Variants in RECQL4 observed in about 807,000 individuals in gnomAD.
The protein encoded by RECQL4 is RecQ like helicase 4.
In RECQL4, 158 loss-of-function variants were observed where a neutral mutation model predicts 128.6. The ratio of observed to expected loss-of-function variants is 1.23; its 90% confidence interval spans 1.08 to 1.40. The LOEUF (loss-of-function observed/expected upper bound fraction) is 1.40. RECQL4 is among the 40% of genes most tolerant of loss of function. The probability of loss-of-function intolerance (pLI) is 0.00; values close to 1 mark genes in which losing one functional copy is unlikely to be tolerated. For missense variants in RECQL4, 2,293 were observed against 1,649.8 expected (o/e 1.39, Z -6.75); for synonymous variants, 996 against 678.9 (o/e 1.47, Z -7.26).
chr8:144,511,463 C>T lies in RECQL4; in HGVS notation c.3595G>A (p.Ala1199Thr), dbSNP rs1586787093. The change falls in exon 21 of 21, where the codon GCC becomes ACC. Residue 1199 changes from alanine to threonine, a missense_variant. Transcript: ENST00000617875. ...HLSFHALVGL[A>T]TEELLQVAR is the part of the protein sequence containing the mutation. ...GCCACCTGCAGGAGCTCTTCCGTGG[C>T]CAGGCCCACCAGGGCATGGAAGCTC... 3 of 1,612,560 alleles carry T rather than the reference C, an allele frequency of 1.9e-6. No homozygotes were observed. Among genetic ancestry groups the T allele is most frequent in the Middle Eastern group, 1.7e-4 (1 of 6,060 alleles).
In RECQL4 at chr8:144,511,426, T is replaced by C. The variant is rs530184653; in HGVS notation, c.*5A>G. On this transcript the variant is annotated 3_prime_UTR_variant, in exon 21 of 21. Coordinates refer to ENST00000617875, the MANE Select transcript of RECQL4 (RefSeq NM_004260.4). ...CTCTACCCGACATCCCCCAATGCAGTGCAGTCAGCGGGCCACCTGCAGGAG... is the reference window on the plus strand; with the variant it reads ...CTCTACCCGACATCCCCCAATGCAGCGCAGTCAGCGGGCCACCTGCAGGAG... 1.3e-4 allele frequency: 216 copies of C among 1,612,210 alleles called. 3 individuals carry two copies. In the South Asian group the frequency reaches 2.2e-3, roughly 16 times the overall value.
chr8:144,516,758 G>T lies in RECQL4; in HGVS notation c.361C>A (p.Pro121Thr). The change falls in exon 5 of 21, where the codon CCA (proline) becomes ACA (threonine). Residue 121 changes from proline to threonine, a missense_variant. Transcript: ENST00000617875. The part of the protein sequence containing the change: ...ANLKGTLQAG[P>T]ALGRRPWPLG... ...GGCCACGGTCTGCGGCCCAGGGCTG[G>T]TCCGGCCTGGGAGGGGAACAACAGA... 6.6e-7 allele frequency: 1 copy of T among 1,521,156 alleles called. No homozygotes were observed. Among genetic ancestry groups the T allele is most frequent in the South Asian group, 1.3e-5 (1 of 74,846 alleles). 94.2% of individuals were successfully genotyped at this position (1,521,156 alleles called of 1,614,324 possible).
chr8:144,514,301 C>A lies in RECQL4; in HGVS notation c.1766G>T (p.Gly589Val). Reference sequence around the variant, plus strand: ...AGGCAGCTGTGCGGCTGGAGGGAGGCCTCCCGCCCCCACCAGTGCCTCAGG... The same window carrying A: ...AGGCAGCTGTGCGGCTGGAGGGAGGACTCCCGCCCCCACCAGTGCCTCAGG... ...LTPEALVGAG[G>V]LPPAAQLPPV... The change falls in exon 11 of 21, where the codon GGC becomes GTC. Residue 589 changes from glycine (G) to valine (V), a missense_variant. Gly to Val is a moderately radical substitution (Grantham distance 109). Coordinates refer to ENST00000617875, the MANE Select transcript of RECQL4 (RefSeq NM_004260.4). 1 of 1,610,100 alleles carries A rather than the reference C, an allele frequency of 6.2e-7. No homozygotes were observed.
At position 144,514,105 on chromosome 8, in the gene RECQL4, C is replaced by A; in HGVS notation, c.1881G>T (p.Val627=). The A allele has an allele frequency of 6.2e-7, 1 of 1,606,752 alleles. No homozygotes were observed. Among genetic ancestry groups the A allele is most frequent in the East Asian group, 2.2e-5 (1 of 44,626 alleles). The change falls in exon 12 of 21, where the codon GTG becomes GTT. Residue 627 remains valine (V), a splice_region_variant and synonymous_variant. Coordinates refer to ENST00000617875, the MANE Select transcript of RECQL4 (RefSeq NM_004260.4). ...AGTGCACGCCCATGCGCTCCCGAAG[C>A]ACCTGCACCAGAGGCGGCAGTGGTG... ...FRPCYLRVCK[V]LRERMGVHCF...
rs781313959 is a variant in RECQL4 at position 144,511,456 on chromosome 8, T to C, written c.3602A>G (p.Glu1201Gly). The C allele has an allele frequency of 1.9e-6, 3 of 1,612,416 alleles. No individual in the cohort carries two copies. Among genetic ancestry groups the C allele is most frequent in the East Asian group, 4.5e-5 (2 of 44,898 alleles). ...SFHALVGLAT[E>G]ELLQVAR is the part of the protein sequence containing the mutation. ...TCAGCGGGCCACCTGCAGGAGCTCT[T>C]CCGTGGCCAGGCCCACCAGGGCATG... Residue 1201 changes from glutamate to glycine, a missense_variant, in exon 21 of 21, where the codon GAA (glutamate) becomes GGA (glycine). Coordinates refer to ENST00000617875, the MANE Select transcript of RECQL4 (RefSeq NM_004260.4).
chr8:144,513,363 GCCA>G lies in RECQL4; in HGVS notation c.2315_2317del (p.Val772del), dbSNP rs1827620172. ...TGGCCGGTCCAGCCCCATCCCAAAG[GCCA>G]CCGTGGCCACCACCACCCGCAACTG... On this transcript the variant is annotated inframe_deletion, in exon 14 of 21. Transcript: ENST00000617875. 6.2e-7 allele frequency: 1 copy of G among 1,606,310 alleles called. No individual in the cohort carries two copies.
rs765611938 is a variant in RECQL4 at position 144,515,446 on chromosome 8, C to G, written c.1270G>C (p.Asp424His). 6.2e-7 allele frequency: 1 copy of G among 1,612,768 alleles called. No homozygotes were observed. Among genetic ancestry groups the G allele is most frequent in the Non-Finnish European group, 8.5e-7 (1 of 1,179,826 alleles). The change falls in exon 7 of 21, where the codon GAC becomes CAC. Residue 424 changes from aspartate (D) to histidine (H), a missense_variant. Transcript: ENST00000617875. Reference sequence around the variant, plus strand: ...GGCTCAGGCCCAACAGCATCTGTGTCTTCCTCACTTGCTGGGGCAGGCAGG... The same window carrying G: ...GGCTCAGGCCCAACAGCATCTGTGTGTTCCTCACTTGCTGGGGCAGGCAGG... ...AQCPRPASEE[D>H]TDAVGPEPLV...
rs1256191939 is a variant in RECQL4, at chr8:144,513,944, T to C, written c.2042A>G (p.Asp681Gly). The C allele has an allele frequency of 1.3e-6, 2 of 1,554,216 alleles. No individual in the cohort carries two copies. The highest frequency in any genetic ancestry group is 1.7e-6 in the Non-Finnish European group (2 of 1,150,018). ...CACACCCACCTGGTCTGTGTCCCTG[T>C]CCATGGACACGGAAAGGTGCAGGTT... ...PTNLHLSVSM[D>G]RDTDQALLTL... The change falls in exon 12 of 21, where the codon GAC becomes GGC. Residue 681 changes from aspartate to glycine, a missense_variant. By Grantham distance (94) the Asp-to-Gly change is moderately conservative. Coordinates refer to ENST00000617875, the MANE Select transcript of RECQL4 (RefSeq NM_004260.4).
rs776246852 is a variant in RECQL4 at position 144,513,372 on chromosome 8, G to A, written c.2309C>T (p.Ala770Val). The A allele has an allele frequency of 1.2e-6, 2 of 1,606,992 alleles. No homozygotes were observed. Among genetic ancestry groups the A allele is most frequent in the South Asian group, 1.1e-5 (1 of 91,058 alleles). ...FMQGQLRVVV[A>V]TVAFGMGLDR... is the part of the protein sequence containing the mutation. The stretch of plus-strand genomic sequence containing the variant: ...CAGCCCCATCCCAAAGGCCACCGTG[G>A]CCACCACCACCCGCAACTGGCCCTG... The change falls in exon 14 of 21, where the codon GCC (alanine) becomes GTC (valine). Residue 770 changes from alanine to valine, a missense_variant. By Grantham distance (64) the Ala-to-Val change is moderately conservative. Coordinates refer to ENST00000617875, the MANE Select transcript of RECQL4 (RefSeq NM_004260.4).
chr8:144,514,989 TG>T lies in RECQL4; in HGVS notation c.1566del (p.Ser523AlafsTer35). The T allele has an allele frequency of 6.2e-7, 1 of 1,611,614 alleles. No individual in the cohort carries two copies. Among genetic ancestry groups the T allele is most frequent in the South Asian group, 1.1e-5 (1 of 90,922 alleles). ...YQLPALLYSR[R>X]SPCLTLVVSP... is the part of the protein sequence containing the mutation. ...GAGACGACCAACGTGAGGCAGGGGCTGCGCCGGCTGTAGAGCAGCGCTGGGA... is the reference window on the plus strand; with the variant it reads ...GAGACGACCAACGTGAGGCAGGGGCTCGCCGGCTGTAGAGCAGCGCTGGGA... On this transcript the variant is annotated frameshift_variant, in exon 9 of 21. Coordinates refer to ENST00000617875, the MANE Select transcript of RECQL4 (RefSeq NM_004260.4). LOFTEE classifies it high-confidence loss of function.
Position 144,514,951 on chromosome 8 carries a change from T to G in RECQL4, c.1605A>C (p.Ser535=), listed in dbSNP as rs1385207385. Residue 535 remains serine, a synonymous_variant, in exon 9 of 21, where the codon TCA becomes TCC. Transcript: ENST00000617875. The stretch of plus-strand genomic sequence containing the variant: ...GTGTGCACACCTGGTCATCCATGAG[T>G]GACAGCAGGGGAGAGACGACCAACG... ...CLTLVVSPLL[S]LMDDQVSGLP... 2 of 1,611,376 alleles carry G rather than the reference T, an allele frequency of 1.2e-6. No individual in the cohort carries two copies. Among genetic ancestry groups the G allele is most frequent in the Admixed American group, 3.3e-5 (2 of 59,922 alleles).
intron 4 of RECQL4, 41 bp downstream of exon 4, chr8:144,517,009 C>G: frequency 6.3e-7 from 1 of 1,585,892 alleles, no homozygotes; most frequent in South Asian, 1.1e-5. Context: ...CCGGAAGCAG[C>G]TGTGGACCTA....
In RECQL4 at chr8:144,516,679, G is replaced by T; in HGVS notation, c.440C>A (p.Pro147His). The T allele has an allele frequency of 2.5e-6, 4 of 1,579,862 alleles. No homozygotes were observed. The highest frequency in any genetic ancestry group is 3.4e-6 in the Non-Finnish European group (4 of 1,163,862). ...GACTTTTTCTGCAAAGGAGGGGACA[G>T]GCCCTGTACCTGGGGGCTTTGGGGT... is the stretch of plus-strand genomic sequence containing the variant. ...ASTPKPPGTG[P>H]VPSFAEKVSD... Residue 147 changes from proline (P) to histidine (H), a missense_variant, in exon 5 of 21, where the codon CCT becomes CAT. Physicochemically the swap from Pro to His is moderately conservative, Grantham distance 77 (BLOSUM62 -2). Coordinates refer to ENST00000617875, the MANE Select transcript of RECQL4 (RefSeq NM_004260.4).
In RECQL4 at chr8:144,512,859, T is replaced by C. The variant is rs374898583; in HGVS notation, c.2743A>G (p.Met915Val). Residue 915 changes from methionine (M) to valine (V), a missense_variant, in exon 15 of 21, where the codon ATG (methionine) becomes GTG (valine). Transcript: ENST00000617875. ...CCAGGTTCCTCACCCTCCTCCGGCA[T>C]GTCCAAAGCCTGTACGGTAAGCTGT... Reference protein sequence around the residue: ...PIQLTVQALDMPEEAIETLLC... With the variant: ...PIQLTVQALDVPEEAIETLLC... 2.0e-5 allele frequency: 32 copies of C among 1,603,604 alleles called. No individual in the cohort carries two copies. The highest frequency in any genetic ancestry group is 9.0e-5 in the East Asian group (4 of 44,510).
rs755481980 is a variant in RECQL4, at chr8:144,513,597, T to A, written c.2174A>T (p.His725Leu). ...TCCAGACCCTGGGACCCAGGCTGCG[T>A]GCAGGCAGGTTCGGAGGAGCGCAGC... Reference protein sequence around the residue: ...RIAALLRTCLHAAWVPGSGGR... With the variant: ...RIAALLRTCLLAAWVPGSGGR... Residue 725 changes from histidine (H) to leucine (L), a missense_variant, in exon 13 of 21, where the codon CAC (histidine) becomes CTC (leucine). By Grantham distance (99) the His-to-Leu change is moderately conservative. Transcript: ENST00000617875. 85 of 1,609,002 alleles carry A rather than the reference T, an allele frequency of 5.3e-5. No homozygotes were observed. The highest frequency in any genetic ancestry group is 1.6e-4 in the Middle Eastern group (1 of 6,082).
intron 13 of RECQL4, 22 bp downstream of exon 13, chr8:144,513,549 A>G: frequency 6.2e-7 from 1 of 1,610,976 alleles, no homozygotes. Context: ...CCACGGGGAC[A>G]CCAGCTCTGT....
At position 144,512,651 on chromosome 8, in the gene RECQL4, A is replaced by G. The variant is rs1554897159; in HGVS notation, c.2876T>C (p.Leu959Pro). 1 of 1,612,508 alleles carries G rather than the reference A, an allele frequency of 6.2e-7. No individual in the cohort carries two copies. Among genetic ancestry groups the G allele is most frequent in the Admixed American group, 1.7e-5 (1 of 60,020 alleles). Residue 959 changes from leucine (L) to proline (P), a missense_variant, in exon 16 of 21, where the codon CTG (leucine) becomes CCG (proline). Transcript: ENST00000617875. ...GGCAGGGCGTGCTTACCTGTGGGCC[A>G]GGGCCTGGAGCTGGGCAGGGCCCCC... ...CPGGPAQLQA[L>P]AHRCPPLAVC...
chr8:144,514,924 C>A lies in RECQL4; in HGVS notation c.1620+12G>T. The A allele has an allele frequency of 6.2e-7, 1 of 1,610,408 alleles. No homozygotes were observed. On this transcript the variant is annotated intron_variant, in intron 9 of 20. Coordinates refer to ENST00000617875, the MANE Select transcript of RECQL4 (RefSeq NM_004260.4). ...TGGCTGTGTACGTGTGCCCAGGGCC[C>A]TGTGTGCACACCTGGTCATCCATGA...
intron 6 of RECQL4, 77 bp downstream of exon 6, chr8:144,515,687 C>T (rs1828056636): frequency 6.4e-7 from 1 of 1,557,334 alleles, no homozygotes; most frequent in Non-Finnish European, 8.7e-7. Context: ...TTGCTTGGAA[C>T]ATAAGTGTCC....
Sources: allele counts gnomAD v4.1 joint callset, GRCh38; gene constraint gnomAD v4.1.1; transcripts MANE v1.5; gene names NCBI Gene and HGNC (gene_info 2026-07-23, HGNC 2026-07-21).